The following PPP4R4 variants were observed in gnomAD, a reference collection of about 807,000 sequenced individuals.
PPP4R4 encodes the protein serine/threonine-protein phosphatase 4 regulatory subunit 4.
A neutral mutation model predicts 121.8 loss-of-function variants in PPP4R4; 70 were observed. The ratio of observed to expected loss-of-function variants is 0.57; its 90% CI spans 0.47 to 0.70. The LOEUF is 0.70. Among genes scored for constraint, PPP4R4 ranks in the 30% least tolerant of loss-of-function variants. PPP4R4 has a pLI of 0.00. For synonymous variants in PPP4R4, 348 were observed against 355.7 expected, an observed-to-expected ratio of 0.98 and a Z score of 0.24; for missense variants, 875 against 1,033.6, an observed-to-expected ratio of 0.85 and a Z score of 2.10.
chr14:94,244,594 T>G (rs755645794), intron 11 of PPP4R4, 41 bp from the exon 12 acceptor site: 1 of 1,408,712 alleles, frequency 7.1e-7, no homozygotes, highest in African/African-American at 1.5e-5. Flanking sequence ...TGTATCTGTC[T>G]AGTACTCTCA....
intron 18 of PPP4R4, 125 bp from the exon 19 acceptor site, chr14:94,259,170 G>C: frequency 1.4e-6 from 2 of 1,447,432 alleles, no homozygotes; most frequent in South Asian, 2.7e-5. Context: ...AATTAGGGGA[G>C]CTACAAGATG....
At chr14:94,206,573 A>G (rs1654590388) in intron 2 of PPP4R4, among the ~76,000 whole-genome samples, 2 of 151,810 alleles carry the variant, frequency 1.3e-5, no homozygotes, top group Admixed American at 1.3e-4. Context: ...TTTCACCTCC[A>G]TGAGGTATTA....
intron 23 of PPP4R4, among the ~76,000 whole-genome samples, chr14:94,273,261 T>G (rs1202014717): frequency 6.6e-6 from 1 of 152,154 alleles, no homozygotes. Flanking sequence ...ATAAACAAAC[T>G]GTGATACATC....
At chr14:94,250,653 T>C (rs910532878) in intron 15 of PPP4R4, among the ~76,000 whole-genome samples, 19 of 151,960 alleles carry the variant, frequency 1.3e-4, no homozygotes, top group Admixed American at 7.2e-4. Context: ...GGATTTTTCT[T>C]TGAATAGAGT....
At position 94,250,185 on chromosome 14, in the gene PPP4R4, T is replaced by C; in HGVS notation, c.1625T>C (p.Val542Ala). The change falls in exon 15 of 25, where the codon GTC (valine) becomes GCC (alanine). Residue 542 changes from valine (V) to alanine (A), a missense_variant. Val to Ala is a moderately conservative substitution (Grantham distance 64, BLOSUM62 0). Transcript: ENST00000304338. ...TACTTCTTCAAGAATGTTTTACCTG[T>C]CCAAAAGGCGGCTTCACGAACTCTA... ...TIMMTNNVLP[V>A]QKAASRTLCI... is the part of the protein sequence containing the mutation. 6.2e-7 allele frequency: 1 copy of C among 1,609,110 alleles called. No homozygotes were observed. Among genetic ancestry groups the C allele is most frequent in the African/African-American group, 1.3e-5 (1 of 74,872 alleles).
At chr14:94,178,120 G>T (rs1888776806) in intron 2 of PPP4R4, among the ~76,000 whole-genome samples, 1 of 152,148 alleles carries the variant, frequency 6.6e-6, no homozygotes, top group Non-Finnish European at 1.5e-5. Context: ...GGGATTCAGG[G>T]GAGGGGACAG....
At chr14:94,231,560 G>A (rs1292540026) in intron 5 of PPP4R4, among the ~76,000 whole-genome samples, 1 of 151,974 alleles carries the variant, frequency 6.6e-6, no homozygotes, top group East Asian at 1.9e-4. Flanking sequence ...CCTATATATG[G>A]TTGCTGCTTG....
intron 14 of PPP4R4, among the ~76,000 whole-genome samples, chr14:94,247,817 G>A (rs1187625138): frequency 6.6e-6 from 1 of 152,156 alleles, no homozygotes; most frequent in Non-Finnish European, 1.5e-5. Flanking sequence ...AAAATTACAT[G>A]ATCATCTCAA....
intron 3 of PPP4R4, among the ~76,000 whole-genome samples, chr14:94,226,886 T>A (rs2139515917): frequency 6.6e-6 from 1 of 152,360 alleles, no homozygotes; most frequent in South Asian, 2.1e-4. Context: ...ACTTAAACAC[T>A]TGCTCTTTTG....
In PPP4R4 at chr14:94,259,333, A is replaced by G; in HGVS notation, c.2091A>G (p.Gln697=). The G allele has an allele frequency of 6.2e-7, 1 of 1,611,274 alleles. No individual in the cohort carries two copies. The highest frequency in any genetic ancestry group is 8.5e-7 in the Non-Finnish European group (1 of 1,179,110). The change falls in exon 19 of 25, where the codon CAA becomes CAG. Residue 697 remains glutamine, a synonymous_variant. Coordinates refer to ENST00000304338, the MANE Select transcript of PPP4R4 (RefSeq NM_058237.2). ...KKFYEKDLLD[Q]EKEREELLLL... ...TTTATGAGAAAGATTTGTTGGATCA[A>G]GAGAAAGAAAGAGAAGAACTACTTC...
intron 2 of PPP4R4, among the ~76,000 whole-genome samples, chr14:94,180,766 C>A (rs1888935055): frequency 6.6e-6 from 1 of 152,062 alleles, no homozygotes; most frequent in Non-Finnish European, 1.5e-5. Flanking sequence ...AAGGCACACA[C>A]CACCTCCACA....
At chr14:94,202,445 T>C (rs1163725157) in intron 2 of PPP4R4, among the ~76,000 whole-genome samples, 1 of 152,206 alleles carries the variant, frequency 6.6e-6, no homozygotes, top group Non-Finnish European at 1.5e-5. Flanking sequence ...GAAGTGGTAA[T>C]GGTCAACATC....
At chr14:94,210,643 A>G (rs1890695133) in intron 3 of PPP4R4, among the ~76,000 whole-genome samples, 1 of 152,148 alleles carries the variant, frequency 6.6e-6, no homozygotes. Flanking sequence ...AAGGTAGAAG[A>G]GTCCAGATTA....
At chr14:94,276,050 G>C (rs1317858141) in intron 24 of PPP4R4, among the ~76,000 whole-genome samples, 4 of 140,726 alleles carry the variant, frequency 2.8e-5, no homozygotes, top group Non-Finnish European at 6.1e-5. Flanking sequence ...TGTGCTGTTT[G>C]TATCTTGATT....
intron 23 of PPP4R4, among the ~76,000 whole-genome samples, chr14:94,271,976 T>C (rs1169315663): frequency 1.3e-5 from 2 of 152,154 alleles, no homozygotes; most frequent in African/African-American, 2.4e-5. Context: ...ACAAGATCTA[T>C]ATAAGGAAAA....
intron 1 of PPP4R4, 36 bp from the exon 2 acceptor site, chr14:94,176,018 T>C (rs1358685586): frequency 6.5e-7 from 1 of 1,540,704 alleles, no homozygotes; most frequent in Admixed American, 1.7e-5. Context: ...TGAACCAATA[T>C]TTGTGGTGCA....
At chr14:94,177,426 A>G (rs1056613673) in intron 2 of PPP4R4, among the ~76,000 whole-genome samples, 9 of 152,236 alleles carry the variant, frequency 5.9e-5, no homozygotes, top group African/African-American at 2.2e-4. Context: ...TATTTGGAAT[A>G]CTTTATTCCT....
rs373402751 is a variant in PPP4R4, at chr14:94,224,631, G to A, written c.295-5956G>A. ...CCCACATTAGGACAAGAGACTGGAG[G>A]AGGCCCAGGTGTTACAGGAAATACT... is the stretch of plus-strand genomic sequence containing the variant. On this transcript the variant is annotated intron_variant, in intron 3 of 24. Coordinates refer to ENST00000304338, the MANE Select transcript of PPP4R4 (RefSeq NM_058237.2). Among the ~76,000 whole-genome samples the A allele has an allele frequency of 1.5e-4, 23 of 152,252 alleles. No homozygotes were observed. In the East Asian group the frequency reaches 4.1e-3, roughly 27 times the overall value.
intron 3 of PPP4R4, among the ~76,000 whole-genome samples, chr14:94,212,823 G>C (rs1397528882): frequency 1.3e-5 from 2 of 152,050 alleles, no homozygotes; most frequent in African/African-American, 4.8e-5. Context: ...ATAAAATTCA[G>C]AATAATAGCG....
Sources: gnomAD v4.1 joint callset for allele counts (sites outside exome capture counted in the v4.1 genomes callset) on GRCh38, gnomAD v4.1.1 for gene constraint, MANE v1.5 for transcripts, NCBI Gene and HGNC (gene_info 2026-07-23, HGNC 2026-07-21) for gene names.